The following HNRNPU variants were observed in gnomAD, a reference collection of about 807,000 sequenced individuals.
The protein encoded by HNRNPU is heterogeneous nuclear ribonucleoprotein U.
Under a neutral mutation model 94.7 loss-of-function variants are expected in HNRNPU, and 5 were observed. The ratio of observed to expected loss-of-function variants is 0.05; its 90% CI spans 0.03 to 0.11. The LOEUF is 0.11. HNRNPU is among the 10% of genes least tolerant of loss of function. The pLI, the probability that HNRNPU is intolerant of heterozygous loss-of-function variation, is 1.00. For missense variants in HNRNPU, 710 were observed against 1,049.2 expected (o/e 0.68, Z 4.47); for synonymous variants, 434 against 381.6 (o/e 1.14, Z -1.60).
intron 4 of HNRNPU, 27 bp from the exon 5 acceptor site, chr1:244,859,401 AAAT>A (rs775712763): frequency 9.1e-6 from 10 of 1,103,680 alleles, no homozygotes; most frequent in African/African-American, 4.6e-5. Flanking sequence ...TAAATAATTA[AAAT>A]AATACACCAA....
At chr1:244,858,925 C>G in intron 5 of HNRNPU, 84 bp from the exon 6 acceptor site, 1 of 687,296 alleles carries the variant, frequency 1.5e-6, no homozygotes, top group Non-Finnish European at 2.5e-6. Flanking sequence ...ATGTAGGCTA[C>G]AAGAGAAATA....
At position 244,858,168 on chromosome 1, in the gene HNRNPU, G is replaced by A. The variant is rs1558187454; in HGVS notation, c.1337C>T (p.Pro446Leu). Reference sequence around the variant, plus strand: ...TGCACAGTTGTGGCAGAGAACATGCGGGAACAGTGGCCGTCCAGCAAGAAC... The same window carrying A: ...TGCACAGTTGTGGCAGAGAACATGCAGGAACAGTGGCCGTCCAGCAAGAAC... ...KEVLAGRPLFPHVLCHNCAVE... is the reference protein window; with the variant it reads ...KEVLAGRPLFLHVLCHNCAVE... Residue 446 changes from proline (P) to leucine (L), a missense_variant, in exon 7 of 14, where the codon CCG becomes CTG. Pro to Leu is a moderately conservative substitution (Grantham distance 98, BLOSUM62 -3). Coordinates refer to ENST00000640218, the MANE Select transcript of HNRNPU (RefSeq NM_031844.3). The A allele has an allele frequency of 6.2e-7, 1 of 1,614,118 alleles. No homozygotes were observed. The highest frequency in any genetic ancestry group is 8.5e-7 in the Non-Finnish European group (1 of 1,180,016).
chr1:244,856,689 T>C, intron 9 of HNRNPU, 39 bp downstream of exon 9: 1 of 1,604,576 alleles, frequency 6.2e-7, no homozygotes, highest in Non-Finnish European at 8.5e-7. Flanking sequence ...CTATCTAAAT[T>C]ATCAGTTAAT....
At position 244,863,629 on chromosome 1, in the gene HNRNPU, C is replaced by T; in HGVS notation, c.679G>A (p.Ala227Thr). The T allele has an allele frequency of 6.5e-7, 1 of 1,538,134 alleles. No homozygotes were observed. The highest frequency in any genetic ancestry group is 8.7e-7 in the Non-Finnish European group (1 of 1,155,844). The change falls in exon 1 of 14, where the codon GCT becomes ACT. Residue 227 changes from alanine (A) to threonine (T), a missense_variant. Transcript: ENST00000640218. The stretch of plus-strand genomic sequence containing the variant: ...ACGCAGCACTCACCCGCCGCCGGAG[C>T]CCCGGGGCGACCGCCGCCTCCGCCG... ...EGGGGGGRPGAPAAGDGKTEQ... is the reference protein window; with the variant it reads ...EGGGGGGRPGTPAAGDGKTEQ...
chr1:244,852,261 TGACTA>T lies in HNRNPU; in HGVS notation c.*2184_*2188del, dbSNP rs1680566807. ...TAGACAATTGTATTAATTCTAGTCT[TGACTA>T]AAGATTTTAACATTTTTCTGGGTGC... On this transcript the variant is annotated 3_prime_UTR_variant, in exon 14 of 14. Coordinates refer to ENST00000640218, the MANE Select transcript of HNRNPU (RefSeq NM_031844.3). 1 of 152,214 alleles carries T rather than the reference TGACTA, an allele frequency of 6.6e-6. No individual in the cohort carries two copies. Among genetic ancestry groups the T allele is most frequent in the Non-Finnish European group, 1.5e-5 (1 of 68,024 alleles). 9.4% of individuals were successfully genotyped at this position (152,214 alleles called of 1,614,324 possible).
In HNRNPU at chr1:244,863,743, C is replaced by A; in HGVS notation, c.565G>T (p.Gly189Cys). Residue 189 changes from glycine (G) to cysteine (C), a missense_variant, in exon 1 of 14, where the codon GGC (glycine) becomes TGC (cysteine). Gly to Cys is a radical substitution (Grantham distance 159). Transcript: ENST00000640218. Reference sequence around the variant, plus strand: ...GTCACCGCGAACAGCGAGGTGGGGCCGCTGCTCTTCCCCGCGGCCTCCTTG... The same window carrying A: ...GTCACCGCGAACAGCGAGGTGGGGCAGCTGCTCTTCCCCGCGGCCTCCTTG... ...AAKEAAGKSSGPTSLFAVTVA... is the reference protein window; with the variant it reads ...AAKEAAGKSSCPTSLFAVTVA... The A allele has an allele frequency of 6.3e-7, 1 of 1,579,212 alleles. No individual in the cohort carries two copies. The highest frequency in any genetic ancestry group is 8.6e-7 in the Non-Finnish European group (1 of 1,166,796).
Position 244,853,420 on chromosome 1 carries a change from CTAAAT to C in HNRNPU, c.*1025_*1029del, listed in dbSNP as rs1680598229. ...AATTCTTTTTATTGCAAACAAACGT[CTAAAT>C]TAATTTCTCCACCCACTTTCTTTAG... On this transcript the variant is annotated 3_prime_UTR_variant, in exon 14 of 14. Coordinates refer to ENST00000640218, the MANE Select transcript of HNRNPU (RefSeq NM_031844.3). 1 of 152,500 alleles carries C rather than the reference CTAAAT, an allele frequency of 6.6e-6. No homozygotes were observed. The highest frequency in any genetic ancestry group is 2.4e-5 in the African/African-American group (1 of 41,422). 9.4% of individuals were successfully genotyped at this position (152,500 alleles called of 1,614,324 possible).
At position 244,854,278 on chromosome 1, in the gene HNRNPU, T is replaced by TA; in HGVS notation, c.*171dup. On this transcript the variant is annotated 3_prime_UTR_variant, in exon 14 of 14. Transcript: ENST00000640218. Reference sequence around the variant, plus strand: ...TTACGATTCACTTTTAAACTGCAATTAAAAATGTACAAAAAAGAAAAGAAA... The same window carrying TA: ...TTACGATTCACTTTTAAACTGCAATTAAAAAATGTACAAAAAAGAAAAGAAA... 1 of 622,548 alleles carries TA rather than the reference T, an allele frequency of 1.6e-6. No individual in the cohort carries two copies. Among genetic ancestry groups the TA allele is most frequent in the Non-Finnish European group, 2.9e-6 (1 of 348,228 alleles). The allele number at this position is 622,548 out of a possible 1,614,324, so 38.6% of individuals were successfully genotyped here. A position where few individuals can be genotyped will look rare whatever the true frequency, so the allele number is the denominator to read the frequency against.
rs760203789 is a variant in HNRNPU at position 244,857,634 on chromosome 1, G to A, written c.1578C>T (p.Asn526=). 4.3e-6 allele frequency: 7 copies of A among 1,613,290 alleles called. No individual in the cohort carries two copies. The highest frequency in any genetic ancestry group is 1.1e-5 in the South Asian group (1 of 91,064). Residue 526 remains asparagine (N), a synonymous_variant, in exon 8 of 14, where the codon AAC becomes AAT. Transcript: ENST00000640218. ...CCATAATAGTATTTGTGCCAAGAAT[G>A]TTATATTTCCCTGGATTTTCTGCTG... is the stretch of plus-strand genomic sequence containing the variant. ...KHAAENPGKY[N]ILGTNTIMDK... is the part of the protein sequence containing the mutation.
intron 1 of HNRNPU, 62 bp from the exon 2 acceptor site, chr1:244,862,792 T>G: frequency 8.3e-7 from 1 of 1,205,462 alleles, no homozygotes; most frequent in Non-Finnish European, 1.2e-6. Flanking sequence ...CGCTTTTCCG[T>G]TCCGAGAACC....
intron 1 of HNRNPU, chr1:244,863,017 A>AGAGGGG (rs1680883319): frequency 2.6e-6 from 1 of 379,670 alleles, no homozygotes; most frequent in African/African-American, 2.1e-5. Context: ...GAGAGCGCAG[A>AGAGGGG]GAGGGGGAGG....
At chr1:244,855,101 G>A (rs1232311610) in intron 12 of HNRNPU, 57 bp from the exon 13 acceptor site, 11 of 1,378,848 alleles carry the variant, frequency 8.0e-6, no homozygotes, top group Non-Finnish European at 1.1e-5. Context: ...TTAGGTTTGT[G>A]GGGGTGAGAG....
At position 244,858,248 on chromosome 1, in the gene HNRNPU, G is replaced by C. The variant is rs754779292; in HGVS notation, c.1257C>G (p.Leu419=). 2 of 1,613,848 alleles carry C rather than the reference G, an allele frequency of 1.2e-6. No individual in the cohort carries two copies. Reference sequence around the variant, plus strand: ...GATCTTGTCCATTCTTAGCATACGAGAGTTCTACTTCATCACTTTCAAAGT... The same window carrying C: ...GATCTTGTCCATTCTTAGCATACGACAGTTCTACTTCATCACTTTCAAAGT... The part of the protein sequence containing the change: ...FANFESDEVE[L]SYAKNGQDLG... The change falls in exon 7 of 14, where the codon CTC becomes CTG. Residue 419 remains leucine, a synonymous_variant. Transcript: ENST00000640218.
At chr1:244,861,729 C>T (rs954549306) in intron 3 of HNRNPU, 1 of 118,964 alleles carries the variant, frequency 8.4e-6, no homozygotes, top group African/African-American at 3.2e-5. Context: ...AAACCAACTA[C>T]GTTTTTTTGT....
Position 244,864,297 on chromosome 1 carries a change from G to A in HNRNPU, c.11C>T (p.Ser4Leu), listed in dbSNP as rs1322316080. The change falls in exon 1 of 14, where the codon TCG becomes TTG. Residue 4 changes from serine to leucine, a missense_variant. Ser to Leu is a moderately radical substitution (Grantham distance 145, BLOSUM62 -2). Around this residue, in one of 8 missense-constraint regions of HNRNPU, gnomAD observed 19 missense variants for 47.7 expected, o/e 0.40. Transcript: ENST00000640218. The part of the protein sequence containing the change: MSS[S>L]PVNVKKLKVS... ...CTTCAGCTTTTTTACATTAACAGGCGAGGAACTCATGGTGAGGGCCCCGAT... is the reference window on the plus strand; with the variant it reads ...CTTCAGCTTTTTTACATTAACAGGCAAGGAACTCATGGTGAGGGCCCCGAT... The A allele has an allele frequency of 1.9e-6, 3 of 1,612,834 alleles. No individual in the cohort carries two copies. Among genetic ancestry groups the A allele is most frequent in the Non-Finnish European group, 2.5e-6 (3 of 1,179,724 alleles).
Position 244,863,848 on chromosome 1 carries a change from C to T in HNRNPU, c.460G>A (p.Asp154Asn). The T allele has an allele frequency of 6.2e-7, 1 of 1,613,202 alleles. No homozygotes were observed. Among genetic ancestry groups the T allele is most frequent in the Non-Finnish European group, 8.5e-7 (1 of 1,179,828 alleles). Residue 154 changes from aspartate to asparagine, a missense_variant, in exon 1 of 14, where the codon GAC becomes AAC. By Grantham distance (23) the Asp-to-Asn change is conservative. This residue lies in a region of HNRNPU where 292 missense variants were observed against 293.4 expected (regional missense o/e 1.00). Transcript: ENST00000640218. ...TGCTGCTCCCCGTGCCCGTTCTCGTCGCCCGCGCCTTCCTCTTCGTCCCCG... is the reference window on the plus strand; with the variant it reads ...TGCTGCTCCCCGTGCCCGTTCTCGTTGCCCGCGCCTTCCTCTTCGTCCCCG... ...ELGDEEEGAG[D>N]ENGHGEQQPQ...
In HNRNPU at chr1:244,852,953, AAT is replaced by A. The variant is rs1680585991; in HGVS notation, c.*1495_*1496del. The A allele has an allele frequency of 6.6e-6, 1 of 152,606 alleles. No homozygotes were observed. Among genetic ancestry groups the A allele is most frequent in the Non-Finnish European group, 1.5e-5 (1 of 68,012 alleles). 9.5% of individuals were successfully genotyped at this position (152,606 alleles called of 1,614,324 possible). ...CAATATAATTACAATTAGGGGATCTAATGTTATTACATAGCTACAGTCAAGTT... is the reference window on the plus strand; with the variant it reads ...CAATATAATTACAATTAGGGGATCTAGTTATTACATAGCTACAGTCAAGTT... On this transcript the variant is annotated 3_prime_UTR_variant, in exon 14 of 14. Coordinates refer to ENST00000640218, the MANE Select transcript of HNRNPU (RefSeq NM_031844.3).
In HNRNPU at chr1:244,863,825, C is replaced by T. The variant is rs1680925054; in HGVS notation, c.483G>A (p.Gln161=). 1 of 1,609,962 alleles carries T rather than the reference C, an allele frequency of 6.2e-7. No individual in the cohort carries two copies. Among genetic ancestry groups the T allele is most frequent in the Non-Finnish European group, 8.5e-7 (1 of 1,178,600 alleles). Residue 161 remains glutamine (Q), a synonymous_variant, in exon 1 of 14, where the codon CAG becomes CAA. Transcript: ENST00000640218. Reference sequence around the variant, plus strand: ...GCTGCGTCGCCGGCGGTTGAGGCTGCTGCTCCCCGTGCCCGTTCTCGTCGC... The same window carrying T: ...GCTGCGTCGCCGGCGGTTGAGGCTGTTGCTCCCCGTGCCCGTTCTCGTCGC... ...GAGDENGHGE[Q]QPQPPATQQQ... is the part of the protein sequence containing the mutation.
chr1:244,850,725 T>C lies in HNRNPU; in HGVS notation c.*3725A>G, dbSNP rs1381340548. On this transcript the variant is annotated 3_prime_UTR_variant, in exon 14 of 14. Coordinates refer to ENST00000640218, the MANE Select transcript of HNRNPU (RefSeq NM_031844.3). ...CTATTGTCAGGCCTTAACATGTATG[T>C]GTTTGCTTTTATTATTACTAAAATG... is the stretch of plus-strand genomic sequence containing the variant. 1 of 152,200 alleles carries C rather than the reference T, an allele frequency of 6.6e-6. No homozygotes were observed. The highest frequency in any genetic ancestry group is 1.9e-4 in the East Asian group (1 of 5,198). The allele number at this position is 152,200 out of a possible 1,614,324, so 9.4% of individuals were successfully genotyped here. A position where few individuals can be genotyped will look rare whatever the true frequency, so the allele number is the denominator to read the frequency against.
Sources: allele counts gnomAD v4.1 joint callset, GRCh38; gene constraint gnomAD v4.1.1; regional missense constraint gnomAD v4.1.1; transcripts MANE v1.5; gene names NCBI Gene and HGNC (gene_info 2026-07-23, HGNC 2026-07-21).